Variants in TSHZ2 observed in about 807,000 individuals in gnomAD.
TSHZ2 encodes the protein teashirt homolog 2.
TSHZ2 carries 21 observed loss-of-function variants against 74.4 expected under a neutral mutation model. The ratio of observed to expected loss-of-function variants is 0.28; its 90% CI spans 0.20 to 0.41. The LOEUF (loss-of-function observed/expected upper bound fraction) is 0.41. Among genes scored for constraint, TSHZ2 ranks in the 10% least tolerant of loss-of-function variants. The pLI is 1.00. For synonymous variants in TSHZ2, 540 were observed against 515.3 expected (o/e 1.05, Z -0.65); for missense variants, 1,244 against 1,293.5 (o/e 0.96, Z 0.59).
chr20:53,321,794 G>T (rs985905586), intron 2 of TSHZ2, among the ~76,000 whole-genome samples: 1 of 152,042 alleles, frequency 6.6e-6, no homozygotes, highest in Non-Finnish European at 1.5e-5. Context: ...TAAAGGAGTG[G>T]CTGCTTCTCA....
At chr20:52,983,953 C>T (rs1259888492) in intron 1 of TSHZ2, among the ~76,000 whole-genome samples, 1 of 152,208 alleles carries the variant, frequency 6.6e-6, no homozygotes, top group East Asian at 1.9e-4. Context: ...GGCGGCGAAG[C>T]TTAGGGGTTG....
At chr20:53,017,147 C>T (rs1283757792) in intron 1 of TSHZ2, among the ~76,000 whole-genome samples, 1 of 152,166 alleles carries the variant, frequency 6.6e-6, no homozygotes, top group Non-Finnish European at 1.5e-5. Flanking sequence ...GTGCTCATTG[C>T]TTTATGTGCG....
chr20:53,424,136 C>A (rs1983579302), intron 2 of TSHZ2, among the ~76,000 whole-genome samples: 1 of 152,248 alleles, frequency 6.6e-6, no homozygotes, highest in African/African-American at 2.4e-5. Context: ...CATTTGCAGT[C>A]AGATAATTCT....
chr20:53,413,868 A>G (rs1428490178), intron 2 of TSHZ2, among the ~76,000 whole-genome samples: 2 of 152,214 alleles, frequency 1.3e-5, no homozygotes, highest in Non-Finnish European at 2.9e-5. Context: ...TCTTAAAAAT[A>G]ATATTAATAT....
chr20:53,035,579 C>T (rs534488243), intron 1 of TSHZ2, among the ~76,000 whole-genome samples: 28 of 152,118 alleles, frequency 1.8e-4, no homozygotes, highest in African/African-American at 3.4e-4. Flanking sequence ...ATTATTTCCC[C>T]GTAGGAATAT....
At chr20:53,186,059 G>A (rs1021789458) in intron 1 of TSHZ2, among the ~76,000 whole-genome samples, 7 of 152,130 alleles carry the variant, frequency 4.6e-5, no homozygotes, top group African/African-American at 1.7e-4. Flanking sequence ...TTCTCACTAT[G>A]ACTAACATTG....
At chr20:53,215,868 CAAAAAA>C (rs78963941) in intron 1 of TSHZ2, among the ~76,000 whole-genome samples, 1 of 83,854 alleles carries the variant, frequency 1.2e-5, no homozygotes, top group African/African-American at 4.0e-5. Flanking sequence ...AACTCCGTCT[CAAAAAA>C]AAAAAAAAAA....
chr20:53,018,846 G>A (rs4811416), intron 1 of TSHZ2, among the ~76,000 whole-genome samples: 9 of 152,122 alleles, frequency 5.9e-5, no homozygotes, highest in East Asian at 1.9e-4. Flanking sequence ...TGCTAAAAAC[G>A]TCTTGCCCAG....
intron 1 of TSHZ2, among the ~76,000 whole-genome samples, chr20:53,128,126 T>A (rs760303518): frequency 2.4e-4 from 37 of 152,160 alleles, no homozygotes; most frequent in Non-Finnish European, 2.9e-4. Flanking sequence ...AAAATGTACA[T>A]CTTTCCTATG....
chr20:53,434,805 A>G (rs1983984835), intron 2 of TSHZ2, among the ~76,000 whole-genome samples: 1 of 152,204 alleles, frequency 6.6e-6, no homozygotes, highest in South Asian at 2.1e-4. Flanking sequence ...CCTGGCAGCA[A>G]GGACTTCAGT....
At chr20:53,431,861 TAACA>T (rs766313463) in intron 2 of TSHZ2, among the ~76,000 whole-genome samples, 1 of 152,206 alleles carries the variant, frequency 6.6e-6, no homozygotes, top group Non-Finnish European at 1.5e-5. Context: ...AACACGTAAA[TAACA>T]GTCAATTATT....
intron 1 of TSHZ2, among the ~76,000 whole-genome samples, chr20:53,187,169 T>C (rs1173319545): frequency 6.6e-6 from 1 of 152,178 alleles, no homozygotes; most frequent in Non-Finnish European, 1.5e-5. Context: ...TACACATCGC[T>C]GGTGAAAAAA....
At chr20:53,171,693 TAAA>T (rs553602248) in intron 1 of TSHZ2, among the ~76,000 whole-genome samples, 104 of 152,262 alleles carry the variant, frequency 6.8e-4, no homozygotes, top group Admixed American at 3.3e-3. Flanking sequence ...TAATATATAA[TAAA>T]AATAATTTTG....
intron 1 of TSHZ2, among the ~76,000 whole-genome samples, chr20:53,248,275 G>A (rs548916372): frequency 8.9e-4 from 134 of 150,492 alleles, no homozygotes; most frequent in Non-Finnish European, 1.4e-3. Flanking sequence ...GTCTAGCTAT[G>A]TGGCACAGGC....
At chr20:53,459,150 A>G (rs1056790835) in intron 2 of TSHZ2, among the ~76,000 whole-genome samples, 1 of 152,186 alleles carries the variant, frequency 6.6e-6, no homozygotes, top group African/African-American at 2.4e-5. Context: ...TAATGTTGAC[A>G]GTGGGGTGTT....
intron 1 of TSHZ2, among the ~76,000 whole-genome samples, chr20:52,988,231 T>C (rs751399716): frequency 6.6e-5 from 10 of 152,180 alleles, no homozygotes; most frequent in Non-Finnish European, 1.5e-4. Flanking sequence ...AGCTTGTACC[T>C]AACATTTACC....
chr20:52,980,488 T>C (rs1327634755), intron 1 of TSHZ2, among the ~76,000 whole-genome samples: 1 of 151,840 alleles, frequency 6.6e-6, no homozygotes, highest in African/African-American at 2.4e-5. Context: ...AGATCACTGG[T>C]CTTAATTACT....
chr20:53,370,533 G>C (rs892547118), intron 2 of TSHZ2, among the ~76,000 whole-genome samples: 5 of 152,216 alleles, frequency 3.3e-5, no homozygotes, highest in African/African-American at 1.2e-4. Flanking sequence ...GACCGAGGCA[G>C]ACGGATAGAT....
chr20:53,183,015 T>G (rs1372017255), intron 1 of TSHZ2, among the ~76,000 whole-genome samples: 2 of 152,196 alleles, frequency 1.3e-5, no homozygotes, highest in Non-Finnish European at 2.9e-5. Context: ...CTCCTTGAAC[T>G]TGGTGTACTG....
Sources: gnomAD v4.1 joint callset for allele counts (sites outside exome capture counted in the v4.1 genomes callset) on GRCh38, gnomAD v4.1.1 for gene constraint, MANE v1.5 for transcripts, NCBI Gene and HGNC (gene_info 2026-07-23, HGNC 2026-07-21) for gene names.